RASA2: variants seen among roughly 807,000 people sequenced by gnomAD.
RASA2 encodes the protein ras GTPase-activating protein 2.
A neutral mutation model predicts 118.2 loss-of-function variants in RASA2; 155 were observed. The ratio of observed to expected loss-of-function variants is 1.31; its 90% CI spans 1.15 to 1.50. The LOEUF (loss-of-function observed/expected upper bound fraction) is 1.50, where lower values mean the gene tolerates loss of function less well. Among genes scored for constraint, RASA2 ranks in the 40% most tolerant of loss-of-function variants. RASA2 has a pLI of 0.00. For synonymous variants in RASA2, 353 were observed against 349.1 expected, an observed-to-expected ratio of 1.01 and a Z score of -0.12; for missense variants, 1,016 against 1,009.6, an observed-to-expected ratio of 1.01 and a Z score of -0.09.
intron 9 of RASA2, 40 bp from the exon 10 acceptor site, chr3:141,570,872 G>T: frequency 6.4e-7 from 1 of 1,556,496 alleles, no homozygotes; most frequent in African/African-American, 1.4e-5. Flanking sequence ...TGGCTTGAAT[G>T]CATTTCCATC....
intron 10 of RASA2, 37 bp downstream of exon 10, chr3:141,571,105 A>C (rs1208940396): frequency 6.5e-7 from 1 of 1,544,706 alleles, no homozygotes; most frequent in Non-Finnish European, 8.7e-7. Flanking sequence ...TTTAACACGA[A>C]ACGGCTAAAA....
At chr3:141,550,844 G>A (rs947196076) in intron 5 of RASA2, among the ~76,000 whole-genome samples, 6 of 152,174 alleles carry the variant, frequency 3.9e-5, no homozygotes, top group African/African-American at 1.4e-4. Context: ...GCGACAGAGT[G>A]AGACTCTGTC....
In RASA2 at chr3:141,613,788, A is replaced by G. The variant is rs1316030160; in HGVS notation, c.*1475A>G. The G allele has an allele frequency of 1.3e-5, 2 of 152,220 alleles. No homozygotes were observed. Among genetic ancestry groups the G allele is most frequent in the Non-Finnish European group, 2.9e-5 (2 of 68,024 alleles). The allele number at this position is 152,220 out of a possible 1,614,324, so 9.4% of individuals were successfully genotyped here. A position where few individuals can be genotyped will look rare whatever the true frequency, so the allele number is the denominator to read the frequency against. On this transcript the variant is annotated 3_prime_UTR_variant, in exon 24 of 24. Coordinates refer to ENST00000286364, the MANE Select transcript of RASA2 (RefSeq NM_006506.5). ...TATTTTTAAAGACTACTGGCATACA[A>G]TCAAAGTTGTTCCATAAAAGAATAT... is the stretch of plus-strand genomic sequence containing the variant.
At chr3:141,547,824 A>G (rs2082508973) in intron 5 of RASA2, among the ~76,000 whole-genome samples, 1 of 152,126 alleles carries the variant, frequency 6.6e-6, no homozygotes, top group Non-Finnish European at 1.5e-5. Context: ...ATGGATATGT[A>G]CTATATGGCT....
In RASA2 at chr3:141,534,331, T is replaced by C. The variant is rs1644804709; in HGVS notation, c.450+4529T>C. 2.0e-5 allele frequency among the ~76,000 whole-genome samples: 3 copies of C among 152,254 alleles called. No individual in the cohort carries two copies. The South Asian group carries it at 6.2e-4, about 32-fold the overall frequency. On this transcript the variant is annotated intron_variant, in intron 4 of 23. Transcript: ENST00000286364. Reference sequence around the variant, plus strand: ...AGACAGATTGCTTGAGCCCAGAAGTTTGAGACCAGCTTGGGCAACATAGCA... The same window carrying C: ...AGACAGATTGCTTGAGCCCAGAAGTCTGAGACCAGCTTGGGCAACATAGCA...
chr3:141,517,281 A>G (rs900148346), intron 3 of RASA2, among the ~76,000 whole-genome samples: 1 of 152,200 alleles, frequency 6.6e-6, no homozygotes, highest in Non-Finnish European at 1.5e-5. Context: ...GTATTAGTCC[A>G]TTCTCACACT....
intron 17 of RASA2, among the ~76,000 whole-genome samples, chr3:141,585,593 G>C (rs926061855): frequency 5.3e-5 from 8 of 152,110 alleles, no homozygotes; most frequent in African/African-American, 1.2e-4. Context: ...GAGGCCAGGA[G>C]TTCAAGACCA....
intron 5 of RASA2, among the ~76,000 whole-genome samples, chr3:141,550,519 A>G (rs2082558747): frequency 6.6e-6 from 1 of 152,268 alleles, no homozygotes; most frequent in African/African-American, 2.4e-5. Context: ...TAAGGGCTAC[A>G]GATTTCAGTA....
intron 5 of RASA2, among the ~76,000 whole-genome samples, chr3:141,549,761 A>G (rs2082545195): frequency 6.6e-6 from 1 of 152,138 alleles, no homozygotes; most frequent in Non-Finnish European, 1.5e-5. Flanking sequence ...CCTTTTTAGC[A>G]GTAGCTTATT....
intron 11 of RASA2, 27 bp from the exon 12 acceptor site, chr3:141,572,582 A>G: frequency 2.0e-6 from 3 of 1,506,974 alleles, no homozygotes; most frequent in South Asian, 1.1e-5. Flanking sequence ...TGTTTACTAC[A>G]TTTGGTTTCA....
chr3:141,499,787 C>T (rs997802818), intron 1 of RASA2, among the ~76,000 whole-genome samples: 1 of 152,108 alleles, frequency 6.6e-6, no homozygotes, highest in Non-Finnish European at 1.5e-5. Context: ...TTAGTAGAGG[C>T]GGCATTTCGC....
At chr3:141,519,155 G>GC (rs1337960255) in intron 3 of RASA2, among the ~76,000 whole-genome samples, 1 of 151,958 alleles carries the variant, frequency 6.6e-6, no homozygotes, top group African/African-American at 2.4e-5. Flanking sequence ...TTTCTGTATT[G>GC]CCCCTCTGCC....
At chr3:141,559,822 T>A in intron 8 of RASA2, 72 bp from the exon 9 acceptor site, 2 of 1,240,122 alleles carry the variant, frequency 1.6e-6, no homozygotes, top group Non-Finnish European at 2.3e-6. Flanking sequence ...TCAAAGTAAT[T>A]TGAAGCTGTT....
chr3:141,574,616 C>A (rs2082981816), intron 14 of RASA2, among the ~76,000 whole-genome samples: 1 of 152,160 alleles, frequency 6.6e-6, no homozygotes, highest in South Asian at 2.1e-4. Flanking sequence ...CAACTTTATA[C>A]AAAGAGCAAA....
intron 19 of RASA2, among the ~76,000 whole-genome samples, chr3:141,595,821 G>A (rs1272978373): frequency 6.6e-6 from 1 of 151,898 alleles, no homozygotes; most frequent in East Asian, 1.9e-4. Context: ...TAGCTGCAAG[G>A]TCTCACTTTG....
chr3:141,531,979 A>T (rs897025147), intron 4 of RASA2, among the ~76,000 whole-genome samples: 3 of 152,136 alleles, frequency 2.0e-5, no homozygotes, highest in Non-Finnish European at 2.9e-5. Flanking sequence ...ACCATGAAAC[A>T]TAAGAGCAAT....
intron 1 of RASA2, among the ~76,000 whole-genome samples, chr3:141,493,940 CT>C (rs1421913411): frequency 6.6e-6 from 1 of 152,158 alleles, no homozygotes; most frequent in Admixed American, 6.5e-5. Flanking sequence ...TTTTCTGTAT[CT>C]TGCTTTTTTA....
At chr3:141,566,199 T>G (rs957209226) in intron 9 of RASA2, among the ~76,000 whole-genome samples, 1 of 152,276 alleles carries the variant, frequency 6.6e-6, no homozygotes, top group African/African-American at 2.4e-5. Flanking sequence ...ATCATTTTGA[T>G]GATTAATGGC....
In RASA2 at chr3:141,610,020, G is replaced by GA; in HGVS notation, c.2478dup (p.Tyr827IlefsTer2). The GA allele has an allele frequency of 6.2e-7, 1 of 1,603,454 alleles. No individual in the cohort carries two copies. The highest frequency in any genetic ancestry group is 8.5e-7 in the Non-Finnish European group (1 of 1,175,258). On this transcript the variant is annotated frameshift_variant, in exon 23 of 24. Transcript: ENST00000286364. LOFTEE classifies it high-confidence loss of function. Reference sequence around the variant, plus strand: ...AATTGAGAAGCTGGATGAACCTCATGAAAAATATAGGAAGAAAAGATCCAG... The same window carrying GA: ...AATTGAGAAGCTGGATGAACCTCATGAAAAAATATAGGAAGAAAAGATCCAG...
Sources: gnomAD v4.1 joint callset for allele counts (sites outside exome capture counted in the v4.1 genomes callset) on GRCh38, gnomAD v4.1.1 for gene constraint, MANE v1.5 for transcripts, NCBI Gene and HGNC (gene_info 2026-07-23, HGNC 2026-07-21) for gene names.